Variants in ZNF45 observed in about 807,000 individuals in gnomAD.
ZNF45 encodes zinc finger protein 45.
A neutral mutation model predicts 12.0 loss-of-function variants in ZNF45; 4 were observed. The observed-to-expected ratio is 0.33, with a 90% CI of 0.16 to 0.76. ZNF45 has a LOEUF of 0.76. Among genes scored for constraint, ZNF45 ranks in the 30% least tolerant of loss-of-function variants. ZNF45 has a pLI of 0.60. For synonymous variants in ZNF45, 272 were observed against 279.6 expected, an observed-to-expected ratio of 0.97 and a Z score of 0.27; for missense variants, 700 against 813.0, an observed-to-expected ratio of 0.86 and a Z score of 1.69.
rs754784030 is a variant in ZNF45, at chr19:43,913,453, G to A, written c.1983C>T (p.Val661=). Residue 661 remains valine (V), a synonymous_variant, in exon 10 of 10, where the codon GTC becomes GTT. Coordinates refer to ENST00000269973, the MANE Select transcript of ZNF45 (RefSeq NM_003425.4). ...CCTTGTCACCCTCATCATCAGCATG[G>A]ACTCGCTGATGAATGATAAGACTTG... ...WSSSLIIHQR[V]HADDEGDKDF... The A allele has an allele frequency of 1.2e-6, 2 of 1,604,364 alleles. No homozygotes were observed. The highest frequency in any genetic ancestry group is 1.7e-6 in the Non-Finnish European group (2 of 1,174,560).
chr19:43,926,406 C>G (rs115602637), intron 3 of ZNF45: 1 of 152,192 alleles, frequency 6.6e-6, no homozygotes, highest in African/African-American at 2.4e-5. Flanking sequence ...AAGTCAGCGA[C>G]GACATGAGTC....
At chr19:43,922,820 G>GTTTTTTTT (rs368057244) in intron 6 of ZNF45, among the ~76,000 whole-genome samples, 19 of 86,486 alleles carry the variant, frequency 2.2e-4, no homozygotes, top group East Asian at 3.6e-4. Flanking sequence ...TAAATTCTTT[G>GTTTTTTTT]TTTTTTTTTT....
intron 7 of ZNF45, 45 bp downstream of exon 7, chr19:43,922,126 G>T (rs768413256): frequency 2.1e-5 from 33 of 1,602,122 alleles, no homozygotes; most frequent in Non-Finnish European, 2.7e-5. Context: ...TAATCTTTCC[G>T]AAATGAGATG....
At chr19:43,922,288 T>G in intron 6 of ZNF45, 71 bp from the exon 7 acceptor site, 2 of 1,087,690 alleles carry the variant, frequency 1.8e-6, no homozygotes, top group Non-Finnish European at 2.6e-6. Context: ...AAAAAAACCA[T>G]AGCTGTTTTT....
rs756086970 is a variant in ZNF45 at position 43,914,789 on chromosome 19, C to G, written c.647G>C (p.Arg216Thr). ...SLQAHQRVHSRAKSYTNDASY... is the reference protein window; with the variant it reads ...SLQAHQRVHSTAKSYTNDASY... ...TGCATCATTTGTGTATGATTTTGCT[C>G]TACTGTGGACTCTCTGATGGGCTTG... Residue 216 changes from arginine (R) to threonine (T), a missense_variant, in exon 10 of 10, where the codon AGA becomes ACA. By Grantham distance (71) the Arg-to-Thr change is moderately conservative. Coordinates refer to ENST00000269973, the MANE Select transcript of ZNF45 (RefSeq NM_003425.4). The G allele has an allele frequency of 1.2e-6, 2 of 1,614,004 alleles. No individual in the cohort carries two copies. Among genetic ancestry groups the G allele is most frequent in the South Asian group, 1.1e-5 (1 of 91,072 alleles).
At chr19:43,923,828 A>G (rs763107363) in intron 6 of ZNF45, among the ~76,000 whole-genome samples, 4 of 152,122 alleles carry the variant, frequency 2.6e-5, no homozygotes, top group Non-Finnish European at 5.9e-5. Context: ...TCTAAAAGGT[A>G]TAAGACCTTG....
At chr19:43,928,822 C>T (rs1346180882) in intron 3 of ZNF45, among the ~76,000 whole-genome samples, 1 of 152,196 alleles carries the variant, frequency 6.6e-6, no homozygotes, top group Non-Finnish European at 1.5e-5. Flanking sequence ...CAACTCTATG[C>T]TCCTAACATT....
At chr19:43,925,852 C>T (rs28373044) in intron 3 of ZNF45, among the ~76,000 whole-genome samples, 3,994 of 152,208 alleles carry the variant, frequency 0.026, 183 homozygotes, top group African/African-American at 0.091. Flanking sequence ...AGGCTGGTCT[C>T]GACCTCCTGA....
Position 43,914,678 on chromosome 19 carries a change from C to T in ZNF45, c.758G>A (p.Cys253Tyr), listed in dbSNP as rs556296068. Residue 253 changes from cysteine (C) to tyrosine (Y), a missense_variant, in exon 10 of 10, where the codon TGT (cysteine) becomes TAT (tyrosine). By Grantham distance (194) the Cys-to-Tyr change is radical (BLOSUM62 -2). Coordinates refer to ENST00000269973, the MANE Select transcript of ZNF45 (RefSeq NM_003425.4). ...TGENPYKYEE[C>Y]GRNVGKSSHC... is the part of the protein sequence containing the mutation. Reference sequence around the variant, plus strand: ...TGAGCTTTTCCCAACATTCCTCCCACACTCTTCATATTTGTATGGATTCTC... The same window carrying T: ...TGAGCTTTTCCCAACATTCCTCCCATACTCTTCATATTTGTATGGATTCTC... The T allele has an allele frequency of 6.2e-7, 1 of 1,614,180 alleles. No individual in the cohort carries two copies. The highest frequency in any genetic ancestry group is 8.5e-7 in the Non-Finnish European group (1 of 1,180,008).
intron 7 of ZNF45, 62 bp downstream of exon 7, chr19:43,922,109 G>C (rs962759573): frequency 1.9e-6 from 3 of 1,556,446 alleles, no homozygotes; most frequent in Non-Finnish European, 2.6e-6. Flanking sequence ...AGAGAATAAG[G>C]TGTATGTAAT....
chr19:43,918,010 G>A (rs1230324752), intron 9 of ZNF45, among the ~76,000 whole-genome samples: 2 of 152,064 alleles, frequency 1.3e-5, no homozygotes, highest in African/African-American at 4.8e-5. Context: ...TAATTTTGTA[G>A]AAAATAAAGG....
intron 3 of ZNF45, among the ~76,000 whole-genome samples, chr19:43,930,336 TCAGA>T (rs1039678519): frequency 3.3e-5 from 5 of 152,226 alleles, no homozygotes; most frequent in South Asian, 2.1e-4. Flanking sequence ...TGGGGGACAC[TCAGA>T]CAGCAGCAGG....
chr19:43,919,828 ATTACAG>A (rs1972985012), intron 7 of ZNF45, 129 bp from the exon 8 acceptor site: 1 of 1,037,510 alleles, frequency 9.6e-7, no homozygotes, highest in Non-Finnish European at 1.4e-6. Flanking sequence ...ATTCAACTTT[ATTACAG>A]TTAAACACAT....
Position 43,918,945 on chromosome 19 carries a change from C to T in ZNF45, c.160G>A (p.Asp54Asn). Residue 54 changes from aspartate (D) to asparagine (N), a missense_variant, in exon 9 of 10, where the codon GAT (aspartate) becomes AAT (asparagine). Coordinates refer to ENST00000269973, the MANE Select transcript of ZNF45 (RefSeq NM_003425.4). The stretch of plus-strand genomic sequence containing the variant: ...TCTCTCTCTAACTGTGGTAGGCCAT[C>T]TGGTGTGGACTGATGCCCTGTGAAA... The part of the protein sequence containing the change: ...VVSVGHQSTP[D>N]GLPQLEREEK... 1.2e-6 allele frequency: 2 copies of T among 1,614,108 alleles called. No individual in the cohort carries two copies. Among genetic ancestry groups the T allele is most frequent in the Non-Finnish European group, 1.7e-6 (2 of 1,179,998 alleles).
intron 7 of ZNF45, among the ~76,000 whole-genome samples, chr19:43,920,835 C>T (rs1266330612): frequency 6.6e-6 from 1 of 152,034 alleles, no homozygotes; most frequent in East Asian, 1.9e-4. Flanking sequence ...CTCCTGACCT[C>T]AAGTTATCCA....
At chr19:43,919,523 G>C in intron 8 of ZNF45, 50 bp downstream of exon 8, 1 of 1,589,822 alleles carries the variant, frequency 6.3e-7, no homozygotes, top group Non-Finnish European at 8.6e-7. Flanking sequence ...CCCAAGGACA[G>C]AGAGACAACA....
At chr19:43,932,109 G>T (rs1974184157) in intron 3 of ZNF45, among the ~76,000 whole-genome samples, 1 of 152,142 alleles carries the variant, frequency 6.6e-6, no homozygotes, top group Non-Finnish European at 1.5e-5. Context: ...GCGGAGGCGG[G>T]CAGATCACTT....
intron 3 of ZNF45, among the ~76,000 whole-genome samples, chr19:43,931,581 T>C: frequency 6.6e-6 from 1 of 151,942 alleles, no homozygotes; most frequent in East Asian, 1.9e-4. Flanking sequence ...GCTCCTTCAA[T>C]AACTTGTTGC....
In ZNF45 at chr19:43,914,837, G is replaced by A. The variant is rs769132754; in HGVS notation, c.599C>T (p.Ala200Val). 35 of 1,611,958 alleles carry A rather than the reference G, an allele frequency of 2.2e-5. No homozygotes were observed. In the Admixed American group the frequency reaches 5.8e-4, roughly 27 times the overall value. Reference sequence around the variant, plus strand: ...TTGAAGACTTGAAAACCGACGGAAGGCATTATCACATTTTTCACATTTGTA... The same window carrying A: ...TTGAAGACTTGAAAACCGACGGAAGACATTATCACATTTTTCACATTTGTA... ...KPYKCEKCDN[A>V]FRRFSSLQAH... The change falls in exon 10 of 10, where the codon GCC becomes GTC. Residue 200 changes from alanine (A) to valine (V), a missense_variant. Physicochemically the swap from Ala to Val is moderately conservative, Grantham distance 64. Transcript: ENST00000269973.
Sources: gnomAD v4.1 joint callset for allele counts (sites outside exome capture counted in the v4.1 genomes callset) on GRCh38, gnomAD v4.1.1 for gene constraint, MANE v1.5 for transcripts, NCBI Gene and HGNC (gene_info 2026-07-23, HGNC 2026-07-21) for gene names.